DPYD: variants seen among roughly 807,000 people sequenced by gnomAD.
DPYD encodes the protein dihydropyrimidine dehydrogenase.
Under a neutral mutation model 116.2 loss-of-function variants are expected in DPYD, and 109 were observed. That is an observed-to-expected ratio of 0.94 (90% CI 0.80 to 1.10). The LOEUF (loss-of-function observed/expected upper bound fraction) is 1.10. Among genes scored for constraint, DPYD ranks in the 50% least tolerant of loss-of-function variants. The pLI is 0.00. For synonymous variants in DPYD, 440 were observed against 432.0 expected, an observed-to-expected ratio of 1.02 and a Z score of -0.23; for missense variants, 1,302 against 1,254.5, an observed-to-expected ratio of 1.04 and a Z score of -0.57.
chr1:97,235,117 CTGTT>C lies in DPYD; in HGVS notation c.2300-127_2300-124del, dbSNP rs1237187732. On this transcript the variant is annotated intron_variant, in intron 18 of 22. Coordinates refer to ENST00000370192, the MANE Select transcript of DPYD (RefSeq NM_000110.4). ...GGACAAATTTCAAATTACTTTATCT[CTGTT>C]TAAGATGTATATACATATGTAGTGT... 5 of 1,146,904 alleles carry C rather than the reference CTGTT, an allele frequency of 4.4e-6. No homozygotes were observed. In the Admixed American group the frequency reaches 9.4e-5, roughly 22 times the overall value. 71.0% of individuals were successfully genotyped at this position (1,146,904 alleles called of 1,614,324 possible). A position where few individuals can be genotyped will look rare whatever the true frequency, so the allele number is the denominator to read the frequency against.
At chr1:97,301,259 T>C (rs1000316489) in intron 18 of DPYD, among the ~76,000 whole-genome samples, 6 of 152,054 alleles carry the variant, frequency 3.9e-5, no homozygotes, top group African/African-American at 1.4e-4. Context: ...TAATAAAGTT[T>C]ATGTCTTAAT....
At chr1:97,718,575 T>C (rs1662746494) in intron 5 of DPYD, among the ~76,000 whole-genome samples, 1 of 151,970 alleles carries the variant, frequency 6.6e-6, no homozygotes, top group South Asian at 2.1e-4. Context: ...CTCTCATTCA[T>C]TTTGACACAC....
chr1:97,663,561 C>G (rs113224582), intron 8 of DPYD, among the ~76,000 whole-genome samples: 67 of 152,230 alleles, frequency 4.4e-4, no homozygotes, highest in African/African-American at 1.6e-3. Flanking sequence ...TAAAAATCAC[C>G]CAGTGCTGGT....
At chr1:97,385,479 C>A (rs58067278) in intron 14 of DPYD, among the ~76,000 whole-genome samples, 28,500 of 148,528 alleles carry the variant, frequency 0.19, 2,927 homozygotes, top group South Asian at 0.38. Context: ...TACCCTGTGG[C>A]GAAACTGATA....
chr1:97,798,833 A>G (rs368167977), intron 3 of DPYD, among the ~76,000 whole-genome samples: 2 of 152,120 alleles, frequency 1.3e-5, no homozygotes, highest in South Asian at 4.1e-4. Context: ...CAGAGCACAT[A>G]TATGTTCAGA....
intron 2 of DPYD, among the ~76,000 whole-genome samples, chr1:97,839,531 G>A (rs1669940882): frequency 1.3e-5 from 2 of 151,690 alleles, no homozygotes; most frequent in South Asian, 2.1e-4. Flanking sequence ...ACAAACAGGT[G>A]GATCTACCAC....
chr1:97,287,480 G>A (rs1199228133), intron 18 of DPYD, among the ~76,000 whole-genome samples: 1 of 152,188 alleles, frequency 6.6e-6, no homozygotes, highest in Non-Finnish European at 1.5e-5. Context: ...GGACATTTAA[G>A]TCTGCAGAGG....
intron 8 of DPYD, among the ~76,000 whole-genome samples, chr1:97,600,924 A>C (rs2102276908): frequency 6.6e-6 from 1 of 152,256 alleles, no homozygotes; most frequent in East Asian, 1.9e-4. Flanking sequence ...GCCACATAAG[A>C]GTATTATTCT....
chr1:97,115,189 A>G (rs577383865), intron 20 of DPYD, among the ~76,000 whole-genome samples: 1 of 152,174 alleles, frequency 6.6e-6, no homozygotes, highest in Non-Finnish European at 1.5e-5. Context: ...ACTTGCTTTC[A>G]TCAATGTTTT....
chr1:97,416,599 G>T (rs760889053), intron 14 of DPYD, among the ~76,000 whole-genome samples: 3 of 152,124 alleles, frequency 2.0e-5, no homozygotes, highest in African/African-American at 4.8e-5. Context: ...AAGTATTTCT[G>T]TGGTAGTCAG....
chr1:97,680,011 T>C (rs1164841793), intron 7 of DPYD, among the ~76,000 whole-genome samples: 1 of 152,102 alleles, frequency 6.6e-6, no homozygotes, highest in Non-Finnish European at 1.5e-5. Flanking sequence ...TACTGATACT[T>C]GGAAACATAA....
At chr1:97,387,799 G>A (rs982822264) in intron 14 of DPYD, among the ~76,000 whole-genome samples, 1 of 152,092 alleles carries the variant, frequency 6.6e-6, no homozygotes, top group African/African-American at 2.4e-5. Flanking sequence ...TGTGGTTGTA[G>A]ATTCATGAGA....
At chr1:97,901,496 T>C (rs1474919667) in intron 1 of DPYD, among the ~76,000 whole-genome samples, 1 of 151,820 alleles carries the variant, frequency 6.6e-6, no homozygotes, top group Non-Finnish European at 1.5e-5. Flanking sequence ...TCAGAAATAT[T>C]GTTAAGGAAG....
chr1:97,315,550 C>T (rs1400844837), intron 16 of DPYD, among the ~76,000 whole-genome samples: 1 of 151,914 alleles, frequency 6.6e-6, no homozygotes, highest in African/African-American at 2.4e-5. Flanking sequence ...TCCTGGAGGA[C>T]TCAACTGACA....
intron 19 of DPYD, among the ~76,000 whole-genome samples, chr1:97,213,595 C>T (rs1660187300): frequency 6.6e-6 from 1 of 152,142 alleles, no homozygotes; most frequent in South Asian, 2.1e-4. Flanking sequence ...TCAGATTGAC[C>T]TGCCAGACTA....
chr1:97,643,933 G>A (rs181820445), intron 8 of DPYD, among the ~76,000 whole-genome samples: 41 of 152,102 alleles, frequency 2.7e-4, no homozygotes, highest in African/African-American at 9.9e-4. Context: ...GGGCCTGTCA[G>A]GGGTTGGGGG....
At chr1:97,653,914 G>A (rs1242650655) in intron 8 of DPYD, among the ~76,000 whole-genome samples, 1 of 152,196 alleles carries the variant, frequency 6.6e-6, no homozygotes, top group East Asian at 1.9e-4. Context: ...GAAACTGTGA[G>A]TATAGACTGA....
At chr1:97,810,633 T>C (rs2101385689) in intron 3 of DPYD, among the ~76,000 whole-genome samples, 1 of 152,124 alleles carries the variant, frequency 6.6e-6, no homozygotes, top group South Asian at 2.1e-4. Context: ...AGCTCTAATA[T>C]CCATATTAGA....
chr1:97,699,266 T>C, intron 6 of DPYD, 85 bp downstream of exon 6: 1 of 1,348,014 alleles, frequency 7.4e-7, no homozygotes, highest in South Asian at 1.2e-5. Flanking sequence ...CTGAAGTTCC[T>C]ATATGATTAT....
Sources: gnomAD v4.1 joint callset for allele counts (sites outside exome capture counted in the v4.1 genomes callset) on GRCh38, gnomAD v4.1.1 for gene constraint, MANE v1.5 for transcripts, NCBI Gene and HGNC (gene_info 2026-07-23, HGNC 2026-07-21) for gene names.